Variants in WDR7 observed in about 807,000 individuals in gnomAD.
WDR7 encodes the protein WD repeat-containing protein 7.
Under a neutral mutation model 169.4 loss-of-function variants are expected in WDR7, and 46 were observed. The ratio of observed to expected loss-of-function variants is 0.27; its 90% confidence interval spans 0.21 to 0.35. WDR7 has a LOEUF of 0.35. Among genes scored for constraint, WDR7 ranks in the 10% least tolerant of loss-of-function variants. The probability of loss-of-function intolerance (pLI) is 1.00; values close to 1 mark genes in which losing one functional copy is unlikely to be tolerated. For missense variants in WDR7, 1,534 were observed against 1,859.3 expected, an observed-to-expected ratio of 0.83 and a Z score of 3.22; for synonymous variants, 612 against 666.8, an observed-to-expected ratio of 0.92 and a Z score of 1.27.
intron 20 of WDR7, among the ~76,000 whole-genome samples, chr18:56,878,895 CT>C (rs1191297625): frequency 1.2e-4 from 19 of 152,104 alleles, no homozygotes; most frequent in African/African-American, 4.1e-4. Context: ...TACTTCATTC[CT>C]TTTTTATTGC....
chr18:56,670,701 G>A (rs1056238708), intron 1 of WDR7, among the ~76,000 whole-genome samples: 10 of 152,042 alleles, frequency 6.6e-5, no homozygotes, highest in African/African-American at 2.4e-4. Flanking sequence ...AGCAGGGACG[G>A]GGTTTCACCA....
At chr18:56,988,451 T>C (rs1383092848) in intron 26 of WDR7, among the ~76,000 whole-genome samples, 1 of 152,232 alleles carries the variant, frequency 6.6e-6, no homozygotes, top group Admixed American at 6.5e-5. Context: ...CTCAGATTTA[T>C]AAGCCAAAGT....
intron 14 of WDR7, among the ~76,000 whole-genome samples, chr18:56,747,449 A>G (rs1239484587): frequency 2.0e-5 from 3 of 152,212 alleles, no homozygotes; most frequent in Admixed American, 6.5e-5. Flanking sequence ...CACATATTGA[A>G]TGCATACTCT....
intron 12 of WDR7, among the ~76,000 whole-genome samples, chr18:56,697,572 C>A (rs2025731410): frequency 8.5e-6 from 1 of 117,842 alleles, no homozygotes. Flanking sequence ...TGTATTTAAC[C>A]AATTTTATGT....
At chr18:56,773,312 A>G (rs2044192479) in intron 16 of WDR7, among the ~76,000 whole-genome samples, 1 of 151,352 alleles carries the variant, frequency 6.6e-6, no homozygotes, top group African/African-American at 2.4e-5. Context: ...CTACACATAC[A>G]AGGTTGGAGG....
chr18:56,954,698 G>T lies in WDR7; in HGVS notation c.4065-7732G>T, dbSNP rs534421338. On this transcript the variant is annotated intron_variant, in intron 25 of 27. Coordinates refer to ENST00000254442, the MANE Select transcript of WDR7 (RefSeq NM_015285.3). ...CTGTGTTTCTCTTTTCAATGAGTGT[G>T]TGTTTCTTTAAAATTGGATATATAT... Among the ~76,000 whole-genome samples, 4 of 152,164 alleles carry T rather than the reference G, an allele frequency of 2.6e-5. No individual in the cohort carries two copies. The South Asian group carries it at 8.3e-4, about 32-fold the overall frequency.
chr18:56,681,601 T>C (rs1210313379), intron 4 of WDR7, among the ~76,000 whole-genome samples: 1 of 152,200 alleles, frequency 6.6e-6, no homozygotes, highest in Non-Finnish European at 1.5e-5. Flanking sequence ...TGGGGAAAGA[T>C]ACAGGGCAAG....
At chr18:56,955,703 G>A (rs966653940) in intron 25 of WDR7, among the ~76,000 whole-genome samples, 5 of 151,662 alleles carry the variant, frequency 3.3e-5, no homozygotes, top group Admixed American at 6.6e-5. Flanking sequence ...TAGCTGATAC[G>A]GTTTGCATGC....
chr18:56,679,743 G>A (rs1014362828), intron 3 of WDR7, among the ~76,000 whole-genome samples: 1 of 152,060 alleles, frequency 6.6e-6, no homozygotes, highest in African/African-American at 2.4e-5. Context: ...TTATTGAGTT[G>A]CCAGACAACT....
In WDR7 at chr18:56,890,037, G is replaced by A. The variant is rs149294041; in HGVS notation, c.3526+9872G>A. Among the ~76,000 whole-genome samples the A allele has an allele frequency of 3.2e-4, 48 of 152,210 alleles. No homozygotes were observed. The East Asian group carries it at 8.7e-3, about 28-fold the overall frequency. On this transcript the variant is annotated intron_variant, in intron 21 of 27. Coordinates refer to ENST00000254442, the MANE Select transcript of WDR7 (RefSeq NM_015285.3). ...ATTTGTGGTTTTTGTTTTTGTTGCT[G>A]TTTTCCCTAGGAAAAGGATGCACAG...
At chr18:56,751,693 A>C (rs1167761367) in intron 14 of WDR7, among the ~76,000 whole-genome samples, 1 of 152,176 alleles carries the variant, frequency 6.6e-6, no homozygotes, top group Admixed American at 6.5e-5. Context: ...ATTAATAATA[A>C]TTTTTGTATC....
intron 26 of WDR7, among the ~76,000 whole-genome samples, chr18:57,017,296 G>C (rs1319334211): frequency 6.6e-6 from 1 of 152,232 alleles, no homozygotes; most frequent in Non-Finnish European, 1.5e-5. Flanking sequence ...CACTGCTTGA[G>C]CGGTGCTTGC....
chr18:56,691,954 G>T, intron 9 of WDR7, 137 bp downstream of exon 9: 2 of 575,934 alleles, frequency 3.5e-6, no homozygotes, highest in Non-Finnish European at 5.7e-6. Flanking sequence ...ATTTTGAGAT[G>T]GTCAGTTATA....
intron 13 of WDR7, among the ~76,000 whole-genome samples, chr18:56,727,335 G>A (rs2026481072): frequency 6.7e-6 from 1 of 150,028 alleles, no homozygotes; most frequent in South Asian, 2.1e-4. Context: ...AGGTTTAGTT[G>A]GGAATGGATT....
intron 21 of WDR7, among the ~76,000 whole-genome samples, chr18:56,903,550 G>A (rs1018835151): frequency 2.6e-5 from 4 of 152,080 alleles, no homozygotes; most frequent in African/African-American, 9.7e-5. Context: ...CTCCCGAGTA[G>A]CTGGGATTAC....
chr18:56,688,637 A>G (rs501672), intron 7 of WDR7, among the ~76,000 whole-genome samples: 138,283 of 150,794 alleles, frequency 0.92, 64,604 homozygotes, highest in East Asian at 1. Context: ...ACTGAGGCAG[A>G]ATAATTACTT....
At chr18:56,818,974 G>C (rs900653643) in intron 20 of WDR7, among the ~76,000 whole-genome samples, 2 of 152,182 alleles carry the variant, frequency 1.3e-5, no homozygotes, top group African/African-American at 4.8e-5. Flanking sequence ...TTAGGCTAAT[G>C]TGTATAGTTG....
At chr18:56,914,430 C>T (rs1019145092) in intron 21 of WDR7, among the ~76,000 whole-genome samples, 5 of 152,228 alleles carry the variant, frequency 3.3e-5, no homozygotes, top group African/African-American at 1.2e-4. Context: ...AAAATAGGGC[C>T]TGGTACACAG....
chr18:56,801,582 A>G (rs531425410), intron 19 of WDR7, among the ~76,000 whole-genome samples: 89 of 152,228 alleles, frequency 5.8e-4, no homozygotes, highest in Admixed American at 1.2e-3. Flanking sequence ...GCACTTCAAT[A>G]ATTTCCTTAT....
Sources: gnomAD v4.1 joint callset for allele counts (sites outside exome capture counted in the v4.1 genomes callset) on GRCh38, gnomAD v4.1.1 for gene constraint, MANE v1.5 for transcripts, NCBI Gene and HGNC (gene_info 2026-07-23, HGNC 2026-07-21) for gene names.